Variants in HECW1 observed in about 807,000 individuals in gnomAD.
HECW1 encodes the protein E3 ubiquitin-protein ligase HECW1.
Under a neutral mutation model 182.3 loss-of-function variants are expected in HECW1, and 61 were observed. The observed-to-expected ratio is 0.33, with a 90% CI of 0.27 to 0.41. The LOEUF is 0.41. Ranked by LOEUF, HECW1 falls within the 10% of genes least tolerant of loss-of-function variation. The pLI, the probability that HECW1 is intolerant of heterozygous loss-of-function variation, is 1.00. For synonymous variants in HECW1, 859 were observed against 832.6 expected, an observed-to-expected ratio of 1.03 and a Z score of -0.55; for missense variants, 1,739 against 2,108.9, an observed-to-expected ratio of 0.82 and a Z score of 3.44.
At chr7:43,154,541 C>T (rs1466360452) in intron 2 of HECW1, among the ~76,000 whole-genome samples, 1 of 152,128 alleles carries the variant, frequency 6.6e-6, no homozygotes, top group African/African-American at 2.4e-5. Flanking sequence ...GTGGTTTTCA[C>T]GAGCATTTGT....
intron 2 of HECW1, among the ~76,000 whole-genome samples, chr7:43,213,681 G>C (rs368798804): frequency 6.6e-6 from 1 of 151,810 alleles, no homozygotes; most frequent in African/African-American, 2.4e-5. Flanking sequence ...TCCTGACCTC[G>C]TGATCCACCC....
chr7:43,542,389 A>T (rs925093171), intron 26 of HECW1, among the ~76,000 whole-genome samples: 2 of 152,004 alleles, frequency 1.3e-5, no homozygotes, highest in African/African-American at 4.8e-5. Context: ...TTTTAAGACT[A>T]AATAATATTT....
rs1016581536 is a variant in HECW1 at position 43,298,431 on chromosome 7, T to C, written c.28-13332T>C. 8.5e-5 allele frequency among the ~76,000 whole-genome samples: 13 copies of C among 152,362 alleles called. 1 individual carries two copies. The East Asian group carries it at 2.5e-3, about 29-fold the overall frequency. ...CACCCTTAGCAGTTTACAGTCCCCCTGACATGTGCTTCTAACTGCCTCCAA... is the reference window on the plus strand; with the variant it reads ...CACCCTTAGCAGTTTACAGTCCCCCCGACATGTGCTTCTAACTGCCTCCAA... On this transcript the variant is annotated intron_variant, in intron 3 of 29. Coordinates refer to ENST00000395891, the MANE Select transcript of HECW1 (RefSeq NM_015052.5).
chr7:43,343,236 T>C (rs1813241820), intron 5 of HECW1, among the ~76,000 whole-genome samples: 1 of 150,642 alleles, frequency 6.6e-6, no homozygotes, highest in South Asian at 2.1e-4. Flanking sequence ...TTCACGGTGC[T>C]GGCAAACTGC....
intron 2 of HECW1, among the ~76,000 whole-genome samples, chr7:43,242,478 C>A (rs1039086473): frequency 2.0e-5 from 3 of 152,140 alleles, no homozygotes; most frequent in Non-Finnish European, 4.4e-5. Context: ...GGCAGAGGAA[C>A]CATGACTAAG....
At chr7:43,437,896 A>G in intron 8 of HECW1, 107 bp from the exon 9 acceptor site, 1 of 1,130,166 alleles carries the variant, frequency 8.8e-7, no homozygotes, top group Non-Finnish European at 1.3e-6. Context: ...ATATAGGTAT[A>G]TTATAGCTAG....
chr7:43,363,617 T>C (rs1355868727), intron 6 of HECW1, among the ~76,000 whole-genome samples: 1 of 152,126 alleles, frequency 6.6e-6, no homozygotes, highest in African/African-American at 2.4e-5. Flanking sequence ...CCTATTGTCA[T>C]GGTGAAAATG....
intron 3 of HECW1, among the ~76,000 whole-genome samples, chr7:43,271,430 G>T (rs11982538): frequency 0.18 from 27,224 of 152,024 alleles, 5,759 homozygotes; most frequent in African/African-American, 0.52. Flanking sequence ...CTTTCTTCCC[G>T]AATTATATGA....
chr7:43,533,814 G>A (rs1333318379), intron 24 of HECW1, among the ~76,000 whole-genome samples: 1 of 152,132 alleles, frequency 6.6e-6, no homozygotes, highest in Non-Finnish European at 1.5e-5. Flanking sequence ...CTCCAGGCAG[G>A]AAGACCCAGC....
intron 2 of HECW1, among the ~76,000 whole-genome samples, chr7:43,174,096 C>T (rs2152669787): frequency 6.6e-6 from 1 of 152,284 alleles, no homozygotes; most frequent in East Asian, 1.9e-4. Context: ...CCACCTTGGC[C>T]TTCCTACATG....
intron 5 of HECW1, among the ~76,000 whole-genome samples, chr7:43,331,496 G>A (rs1010705341): frequency 6.6e-6 from 1 of 152,046 alleles, no homozygotes; most frequent in Non-Finnish European, 1.5e-5. Context: ...GGGAGGCTGA[G>A]GCTGGAGAAT....
rs2079726377 is a variant in HECW1 at position 43,508,950 on chromosome 7, A to G, written c.3867-19A>G. 1.2e-6 allele frequency: 2 copies of G among 1,611,944 alleles called. No individual in the cohort carries two copies. The highest frequency in any genetic ancestry group is 1.7e-6 in the Non-Finnish European group (2 of 1,179,416). ...TCCGGGCACAGAATGAGCTTCCTGGACCTCTGCTTTCTTTGCAGCCTGGAC... is the reference window on the plus strand; with the variant it reads ...TCCGGGCACAGAATGAGCTTCCTGGGCCTCTGCTTTCTTTGCAGCCTGGAC... On this transcript the variant is annotated intron_variant, in intron 23 of 29. Coordinates refer to ENST00000395891, the MANE Select transcript of HECW1 (RefSeq NM_015052.5).
chr7:43,243,475 T>C lies in HECW1; in HGVS notation c.-31-400T>C, dbSNP rs1272452254. Among the ~76,000 whole-genome samples, 1 of 152,168 alleles carries C rather than the reference T, an allele frequency of 6.6e-6. No individual in the cohort carries two copies. The highest frequency in any genetic ancestry group is 1.5e-5 in the Non-Finnish European group (1 of 68,024). ...CTGTAGATTCCCCTTCCTTTGTGGTTGAGGGAGCTTCAGGAGTGGATCATA... is the reference window on the plus strand; with the variant it reads ...CTGTAGATTCCCCTTCCTTTGTGGTCGAGGGAGCTTCAGGAGTGGATCATA... On this transcript the variant is annotated intron_variant, in intron 2 of 29. Transcript: ENST00000395891. The surrounding 1 kb of genome is among the most constrained non-coding windows in gnomAD (Gnocchi z 4.0).
intron 6 of HECW1, among the ~76,000 whole-genome samples, chr7:43,395,718 C>G (rs10270388): frequency 0.44 from 67,089 of 151,986 alleles, 15,415 homozygotes; most frequent in Middle Eastern, 0.55. Flanking sequence ...AGCTCACAGG[C>G]TCACCAGGGG....
intron 5 of HECW1, among the ~76,000 whole-genome samples, chr7:43,324,444 A>G (rs945022428): frequency 7.9e-5 from 12 of 152,246 alleles, no homozygotes; most frequent in Non-Finnish European, 1.6e-4. Context: ...ATGTGAAATA[A>G]TTAGTGCTTT....
chr7:43,444,199 T>G lies in HECW1; in HGVS notation c.1046-19T>G, dbSNP rs1180401876. 2 of 1,582,936 alleles carry G rather than the reference T, an allele frequency of 1.3e-6. No homozygotes were observed. The highest frequency in any genetic ancestry group is 2.7e-5 in the African/African-American group (2 of 74,030). ...GCTCTCTTCTGGGAGAAATGACATA[T>G]TTTTCTTCTTACCAGCAGATGATGA... is the stretch of plus-strand genomic sequence containing the variant. On this transcript the variant is annotated intron_variant, in intron 10 of 29. Coordinates refer to ENST00000395891, the MANE Select transcript of HECW1 (RefSeq NM_015052.5). This position sits in a 1 kb window ranked among gnomAD's most constrained non-coding sequence, Gnocchi z 4.3.
At chr7:43,404,037 T>C (rs545196738) in intron 7 of HECW1, among the ~76,000 whole-genome samples, 2 of 152,332 alleles carry the variant, frequency 1.3e-5, no homozygotes, top group African/African-American at 2.4e-5. Context: ...TGGACATTTC[T>C]CCCAACAGTC....
intron 27 of HECW1, among the ~76,000 whole-genome samples, chr7:43,551,490 G>T (rs570010835): frequency 3.3e-5 from 5 of 152,140 alleles, no homozygotes; most frequent in South Asian, 2.1e-4. Flanking sequence ...CATGTGAAAG[G>T]TTACATTTTA....
chr7:43,198,632 TCACA>T (rs1328296058), intron 2 of HECW1, among the ~76,000 whole-genome samples: 5 of 138,352 alleles, frequency 3.6e-5, no homozygotes, highest in Non-Finnish European at 7.8e-5. Flanking sequence ...CACACCATAG[TCACA>T]CACCCCACAC....
Sources: allele counts gnomAD v4.1 joint callset (sites outside exome capture counted in the v4.1 genomes callset), GRCh38; gene constraint gnomAD v4.1.1; non-coding constraint Gnocchi (gnomAD v3.1); transcripts MANE v1.5; gene names NCBI Gene and HGNC (gene_info 2026-07-23, HGNC 2026-07-21).